The following PDE3A variants were observed in gnomAD, a reference collection of about 807,000 sequenced individuals.
PDE3A encodes the protein cGMP-inhibited 3',5'-cyclic phosphodiesterase 3A.
PDE3A carries 43 observed loss-of-function variants against 98.3 expected under a neutral mutation model. That is an observed-to-expected ratio of 0.44 (90% CI 0.34 to 0.56). The LOEUF is 0.56. PDE3A is among the 20% of genes least tolerant of loss of function. The pLI is 0.01. For missense variants in PDE3A, 1,427 were observed against 1,440.7 expected (o/e 0.99, Z 0.15); for synonymous variants, 663 against 567.9 (o/e 1.17, Z -2.38).
chr12:20,477,114 A>G (rs781164190), intron 1 of PDE3A, among the ~76,000 whole-genome samples: 2 of 152,162 alleles, frequency 1.3e-5, no homozygotes, highest in Non-Finnish European at 2.9e-5. Flanking sequence ...CTGTTTCTCT[A>G]ACAGATGCAC....
At position 20,519,708 on chromosome 12, in the gene PDE3A, G is replaced by C. The variant is rs113611973; in HGVS notation, c.961-36952G>C. Among the ~76,000 whole-genome samples, 409 of 152,284 alleles carry C rather than the reference G, an allele frequency of 2.7e-3. 6 individuals carry two copies. Among genetic ancestry groups the C allele is most frequent in the Middle Eastern group, 0.01 (3 of 294 alleles). ...CTAATGAACATATGTGCAAGATGTA[G>C]TTCCCAATAGCAAAGGAAGAGAAAG... On this transcript the variant is annotated intron_variant, in intron 1 of 15. Coordinates refer to ENST00000359062, the MANE Select transcript of PDE3A (RefSeq NM_000921.5).
intron 15 of PDE3A, among the ~76,000 whole-genome samples, chr12:20,664,967 C>T (rs1945271516): frequency 6.6e-6 from 1 of 152,180 alleles, no homozygotes; most frequent in South Asian, 2.1e-4. Context: ...TTCCCTACCT[C>T]TAATCAGTTG....
chr12:20,537,144 C>T (rs1400165949), intron 1 of PDE3A, among the ~76,000 whole-genome samples: 1 of 152,002 alleles, frequency 6.6e-6, no homozygotes, highest in African/African-American at 2.4e-5. Context: ...TTTGCATGTC[C>T]ACAGTAGCTA....
chr12:20,610,570 T>C (rs1215705845), intron 2 of PDE3A, among the ~76,000 whole-genome samples: 1 of 152,024 alleles, frequency 6.6e-6, no homozygotes, highest in African/African-American at 2.4e-5. Context: ...TGCACTCTCA[T>C]GTTCATTGCA....
intron 1 of PDE3A, among the ~76,000 whole-genome samples, chr12:20,473,289 G>A (rs1359717768): frequency 6.6e-6 from 1 of 152,060 alleles, no homozygotes; most frequent in Non-Finnish European, 1.5e-5. Flanking sequence ...GTCCCTTGTC[G>A]AGTCATATTT....
chr12:20,434,069 C>A (rs1173996134), intron 1 of PDE3A, among the ~76,000 whole-genome samples: 1 of 152,134 alleles, frequency 6.6e-6, no homozygotes, highest in Non-Finnish European at 1.5e-5. Context: ...TAGGCTCCCA[C>A]ATTGTTAAAA....
At chr12:20,620,393 G>A (rs1015468634) in intron 4 of PDE3A, among the ~76,000 whole-genome samples, 42 of 151,998 alleles carry the variant, frequency 2.8e-4, no homozygotes, top group African/African-American at 9.7e-4. Flanking sequence ...CACAGACCAA[G>A]CACTTTTCCC....
chr12:20,607,842 T>G (rs2121432078), intron 2 of PDE3A, among the ~76,000 whole-genome samples: 1 of 152,270 alleles, frequency 6.6e-6, no homozygotes, highest in South Asian at 2.1e-4. Flanking sequence ...TTTAAGACTT[T>G]TCTTTAAACT....
At chr12:20,620,872 C>G (rs1199680294) in intron 4 of PDE3A, among the ~76,000 whole-genome samples, 1 of 151,808 alleles carries the variant, frequency 6.6e-6, no homozygotes, top group Admixed American at 6.6e-5. Flanking sequence ...TTTTTGAATA[C>G]AGATCCACCA....
chr12:20,379,374 G>A (rs1943624550), intron 1 of PDE3A, among the ~76,000 whole-genome samples: 1 of 151,726 alleles, frequency 6.6e-6, no homozygotes, highest in Admixed American at 6.6e-5. Flanking sequence ...ATTATTTCAG[G>A]GTCCAGCCTC....
At position 20,672,676 on chromosome 12, in the gene PDE3A, T is replaced by G. The variant is rs1338802285; in HGVS notation, c.3185-7354T>G. Among the ~76,000 whole-genome samples the G allele has an allele frequency of 6.5e-3, 772 of 119,550 alleles. 9 individuals are homozygous for G. Among genetic ancestry groups the G allele is most frequent in the African/African-American group, 0.025 (731 of 29,836 alleles). The allele number at this position is 119,550 out of a possible 152,430, so 78.4% of individuals were successfully genotyped here. A position where few individuals can be genotyped will look rare whatever the true frequency, so the allele number is the denominator to read the frequency against. On this transcript the variant is annotated intron_variant, in intron 15 of 15. Transcript: ENST00000359062. ...GAAAGCTGAAACTGGATCCCTTCCT[T>G]ACACCTTATACAAAAATCAATTCAA... is the stretch of plus-strand genomic sequence containing the variant.
chr12:20,500,617 C>T (rs963110668), intron 1 of PDE3A, among the ~76,000 whole-genome samples: 1 of 151,922 alleles, frequency 6.6e-6, no homozygotes, highest in Non-Finnish European at 1.5e-5. Context: ...ATTCTTCAGC[C>T]AAGTTGCTAA....
At chr12:20,501,332 G>A (rs966287058) in intron 1 of PDE3A, among the ~76,000 whole-genome samples, 9 of 152,110 alleles carry the variant, frequency 5.9e-5, no homozygotes, top group Admixed American at 6.5e-5. Flanking sequence ...CTACAGCACC[G>A]TAATCCATAT....
rs193133077 is a variant in PDE3A, at chr12:20,390,630, G to A, written c.960+20386G>A. ...ATCAGTTTTTGTTTATTTTAGTTTC[G>A]GGGTGAAGGAGGGAAGATGATGTGT... On this transcript the variant is annotated intron_variant, in intron 1 of 15. Transcript: ENST00000359062. Among the ~76,000 whole-genome samples, 20 of 151,784 alleles carry A rather than the reference G, an allele frequency of 1.3e-4. No homozygotes were observed. In the East Asian group the frequency reaches 3.1e-3, roughly 24 times the overall value.
At chr12:20,598,687 T>C (rs1167577225) in intron 2 of PDE3A, among the ~76,000 whole-genome samples, 1 of 152,156 alleles carries the variant, frequency 6.6e-6, no homozygotes, top group Admixed American at 6.5e-5. Context: ...AAGCCTGGGG[T>C]ACTTAGAGAT....
intron 1 of PDE3A, among the ~76,000 whole-genome samples, chr12:20,411,340 T>G (rs996260374): frequency 2.0e-5 from 3 of 152,180 alleles, no homozygotes; most frequent in African/African-American, 7.2e-5. Context: ...ACCATTCCAC[T>G]TTCTGTCCCT....
chr12:20,492,684 C>T (rs924722184), intron 1 of PDE3A, among the ~76,000 whole-genome samples: 37 of 152,094 alleles, frequency 2.4e-4, no homozygotes, highest in African/African-American at 8.2e-4. Context: ...TATTGGATTA[C>T]GCTGCTGCAC....
At chr12:20,395,980 T>C (rs1218869401) in intron 1 of PDE3A, among the ~76,000 whole-genome samples, 4 of 152,048 alleles carry the variant, frequency 2.6e-5, no homozygotes, top group Admixed American at 6.6e-5. Context: ...ACTGTAACCT[T>C]GAACACTTAC....
At chr12:20,538,928 G>C (rs1187867725) in intron 1 of PDE3A, among the ~76,000 whole-genome samples, 1 of 150,264 alleles carries the variant, frequency 6.7e-6, no homozygotes, top group Non-Finnish European at 1.5e-5. Context: ...TTACAAGTGT[G>C]AACCACCACA....
Sources: allele counts gnomAD v4.1 joint callset (sites outside exome capture counted in the v4.1 genomes callset), GRCh38; gene constraint gnomAD v4.1.1; transcripts MANE v1.5; gene names NCBI Gene and HGNC (gene_info 2026-07-23, HGNC 2026-07-21).